Variants in CSMD1 observed in about 807,000 individuals in gnomAD.
CSMD1 encodes CUB and Sushi multiple domains 1, also known as CUB and sushi domain-containing protein 1.
CSMD1 carries 213 observed loss-of-function variants against 417.5 expected under a neutral mutation model. The ratio of observed to expected loss-of-function variants is 0.51; its 90% CI spans 0.46 to 0.57. The LOEUF (loss-of-function observed/expected upper bound fraction) is 0.57. Among genes scored for constraint, CSMD1 ranks in the 20% least tolerant of loss-of-function variants. The probability of loss-of-function intolerance (pLI) is 0.00; values close to 1 mark genes in which losing one functional copy is unlikely to be tolerated. For missense variants in CSMD1, 6,923 were observed against 4,529.7 expected, an observed-to-expected ratio of 1.53 and a Z score of -15.17; for synonymous variants, 2,862 against 1,736.8, an observed-to-expected ratio of 1.65 and a Z score of -16.11.
At chr8:3,747,683 C>G (rs1797127440) in intron 6 of CSMD1, among the ~76,000 whole-genome samples, 1 of 151,950 alleles carries the variant, frequency 6.6e-6, no homozygotes, top group Non-Finnish European at 1.5e-5. Context: ...TGCCTAGCTG[C>G]TCATTTCTGT....
rs569351787 is a variant in CSMD1, at chr8:3,747,696, G to C, written c.931+6234C>G. Among the ~76,000 whole-genome samples the C allele has an allele frequency of 1.2e-4, 18 of 152,030 alleles. No homozygotes were observed. The East Asian group carries it at 2.5e-3, about 21-fold the overall frequency. On this transcript the variant is annotated intron_variant, in intron 6 of 69. Transcript: ENST00000635120. ...TGTGCCTAGCTGCTCATTTCTGTTG[G>C]ACACATGCCTGAAATGTTCCTTATG...
intron 3 of CSMD1, among the ~76,000 whole-genome samples, chr8:4,275,669 A>G (rs1796444524): frequency 6.6e-6 from 1 of 152,208 alleles, no homozygotes; most frequent in Non-Finnish European, 1.5e-5. Context: ...CAAAAATTGT[A>G]TACGTTTTGC....
chr8:4,469,663 A>G (rs79840475), intron 2 of CSMD1, among the ~76,000 whole-genome samples: 1 of 152,006 alleles, frequency 6.6e-6, no homozygotes, highest in African/African-American at 2.4e-5. Flanking sequence ...CCTCGTCTGG[A>G]AACAGGCCCA....
At chr8:3,694,394 C>T (rs543689142) in intron 7 of CSMD1, among the ~76,000 whole-genome samples, 1 of 152,274 alleles carries the variant, frequency 6.6e-6, no homozygotes, top group African/African-American at 2.4e-5. Context: ...GACTGATCAA[C>T]AGCTCTGCCT....
Position 3,421,974 on chromosome 8 carries a change from C to T in CSMD1, c.1562-12369G>A, listed in dbSNP as rs560893319. 2.0e-5 allele frequency among the ~76,000 whole-genome samples: 3 copies of T among 151,922 alleles called. No homozygotes were observed. In the South Asian group the frequency reaches 6.2e-4, roughly 32 times the overall value. On this transcript the variant is annotated intron_variant, in intron 12 of 69. Transcript: ENST00000635120. Reference sequence around the variant, plus strand: ...TTAGAGTATTAGCCACCACAACCGGCCCCACAGATGGCTTAGAGCGTGAGC... The same window carrying T: ...TTAGAGTATTAGCCACCACAACCGGTCCCACAGATGGCTTAGAGCGTGAGC...
intron 9 of CSMD1, among the ~76,000 whole-genome samples, chr8:3,578,243 A>C (rs1472736871): frequency 6.6e-6 from 1 of 152,178 alleles, no homozygotes; most frequent in Non-Finnish European, 1.5e-5. Flanking sequence ...TAGAGAAGAA[A>C]ATGGGACAGG....
At chr8:3,042,878 G>C (rs1811200243) in intron 50 of CSMD1, among the ~76,000 whole-genome samples, 1 of 151,912 alleles carries the variant, frequency 6.6e-6, no homozygotes, top group Non-Finnish European at 1.5e-5. Context: ...GAGTACTATA[G>C]TGAATATAGT....
intron 1 of CSMD1, among the ~76,000 whole-genome samples, chr8:4,678,481 G>A (rs558920219): frequency 1.3e-5 from 2 of 152,176 alleles, no homozygotes; most frequent in African/African-American, 4.8e-5. Flanking sequence ...TATATGGCCA[G>A]GTAACTACAC....
intron 1 of CSMD1, among the ~76,000 whole-genome samples, chr8:4,975,156 A>G (rs1459554183): frequency 6.6e-6 from 1 of 152,296 alleles, no homozygotes; most frequent in South Asian, 2.1e-4. Context: ...CCAGCAAATT[A>G]AGAGGGAACC....
At chr8:3,715,397 G>A (rs1166179305) in intron 6 of CSMD1, among the ~76,000 whole-genome samples, 1 of 152,092 alleles carries the variant, frequency 6.6e-6, no homozygotes, top group East Asian at 1.9e-4. Context: ...CTGCCCTAAA[G>A]CTCATCACCT....
At chr8:4,264,341 T>C (rs1011191092) in intron 3 of CSMD1, among the ~76,000 whole-genome samples, 2 of 152,164 alleles carry the variant, frequency 1.3e-5, no homozygotes, top group African/African-American at 2.4e-5. Context: ...AAAATACTCA[T>C]TCAGAATAAG....
At chr8:3,659,083 G>A (rs1798275389) in intron 7 of CSMD1, among the ~76,000 whole-genome samples, 2 of 152,044 alleles carry the variant, frequency 1.3e-5, no homozygotes, top group East Asian at 1.9e-4. Context: ...TTTCCGAAAT[G>A]GTAATCTAAT....
chr8:3,299,741 A>G (rs1804247150), intron 25 of CSMD1, among the ~76,000 whole-genome samples: 1 of 152,232 alleles, frequency 6.6e-6, no homozygotes, highest in South Asian at 2.1e-4. Flanking sequence ...AAATGTATTC[A>G]CATGTCAAAA....
At position 4,508,323 on chromosome 8, in the gene CSMD1, G is replaced by A. The variant is rs561715342; in HGVS notation, c.303-88258C>T. Among the ~76,000 whole-genome samples the A allele has an allele frequency of 5.3e-5, 8 of 151,956 alleles. No individual in the cohort carries two copies. The South Asian group carries it at 1.2e-3, about 24-fold the overall frequency. On this transcript the variant is annotated intron_variant, in intron 2 of 69. Transcript: ENST00000635120. ...GATAAAGATGATATGTTTTTCCTTCGAGAAAACTACAGGATTGTATAAGAT... is the reference window on the plus strand; with the variant it reads ...GATAAAGATGATATGTTTTTCCTTCAAGAAAACTACAGGATTGTATAAGAT...
intron 25 of CSMD1, 134 bp downstream of exon 25, chr8:3,307,561 T>C (rs537789615): frequency 9.3e-7 from 1 of 1,069,900 alleles, no homozygotes; most frequent in Admixed American, 2.5e-5. Context: ...ACAAAACTTT[T>C]AGCTACAGCT....
At chr8:3,148,495 A>G (rs1818986098) in intron 40 of CSMD1, among the ~76,000 whole-genome samples, 1 of 152,190 alleles carries the variant, frequency 6.6e-6, no homozygotes, top group South Asian at 2.1e-4. Flanking sequence ...GTGTGGTTTG[A>G]CATTTGAAAA....
At chr8:4,300,131 T>C (rs1797900550) in intron 3 of CSMD1, among the ~76,000 whole-genome samples, 2 of 152,326 alleles carry the variant, frequency 1.3e-5, no homozygotes, top group East Asian at 1.9e-4. Flanking sequence ...CTGAGTGCTT[T>C]TGACTGCATA....
At chr8:4,531,064 A>AT (rs1360900068) in intron 2 of CSMD1, among the ~76,000 whole-genome samples, 4 of 152,142 alleles carry the variant, frequency 2.6e-5, no homozygotes, top group African/African-American at 9.7e-5. Context: ...ATACTCTATC[A>AT]TTTTTTGTTA....
intron 10 of CSMD1, among the ~76,000 whole-genome samples, chr8:3,572,278 G>C (rs1446251670): frequency 6.6e-6 from 1 of 152,186 alleles, no homozygotes; most frequent in Admixed American, 6.5e-5. Context: ...CAAACTCTGA[G>C]GGCAGAGCCT....
Sources: gnomAD v4.1 joint callset for allele counts (sites outside exome capture counted in the v4.1 genomes callset) on GRCh38, gnomAD v4.1.1 for gene constraint, MANE v1.5 for transcripts, NCBI Gene and HGNC (gene_info 2026-07-23, HGNC 2026-07-21) for gene names.